E2F5: variants seen among roughly 807,000 people sequenced by gnomAD.
E2F5 encodes the protein E2F transcription factor 5.
E2F5 carries 23 observed loss-of-function variants against 39.1 expected under a neutral mutation model. The ratio of observed to expected loss-of-function variants is 0.59; its 90% CI spans 0.42 to 0.83. E2F5 has a LOEUF of 0.83. E2F5 is among the 40% of genes least tolerant of loss of function. The probability of loss-of-function intolerance (pLI) is 0.00; values close to 1 mark genes in which losing one functional copy is unlikely to be tolerated. For missense variants in E2F5, 365 were observed against 406.7 expected (o/e 0.90, Z 0.88); for synonymous variants, 145 against 157.8 (o/e 0.92, Z 0.61).
At chr8:85,208,330 AAACAACAAC>A (rs1211355118) in intron 5 of E2F5, among the ~76,000 whole-genome samples, 1 of 152,168 alleles carries the variant, frequency 6.6e-6, no homozygotes, top group Non-Finnish European at 1.5e-5. Context: ...CTCTGTATCA[AAACAACAAC>A]AACAACAACA....
intron 1 of E2F5, among the ~76,000 whole-genome samples, chr8:85,184,521 T>C (rs925090358): frequency 6.6e-6 from 1 of 152,128 alleles, no homozygotes; most frequent in Non-Finnish European, 1.5e-5. Flanking sequence ...GCCAGGGCAG[T>C]CAGGCAAGAG....
At chr8:85,186,532 G>GTA (rs1408816860) in intron 1 of E2F5, among the ~76,000 whole-genome samples, 5 of 147,678 alleles carry the variant, frequency 3.4e-5, no homozygotes, top group Non-Finnish European at 4.5e-5. Context: ...TATATGTACG[G>GTA]TATATATATA....
At chr8:85,195,118 C>T (rs1812553649) in intron 1 of E2F5, among the ~76,000 whole-genome samples, 1 of 151,916 alleles carries the variant, frequency 6.6e-6, no homozygotes, top group Admixed American at 6.6e-5. Context: ...GGCACAGTGG[C>T]TTACGTCTGT....
chr8:85,209,805 G>A (rs1191726801), intron 6 of E2F5, among the ~76,000 whole-genome samples: 1 of 152,154 alleles, frequency 6.6e-6, no homozygotes, highest in African/African-American at 2.4e-5. Flanking sequence ...GGATAAATTA[G>A]TGAAATATGT....
At chr8:85,213,511 C>G (rs1309479070) in intron 7 of E2F5, 1 of 206,606 alleles carries the variant, frequency 4.8e-6, no homozygotes, top group Non-Finnish European at 8.7e-6. Context: ...CTACTGCACT[C>G]CAGCCTGGAC....
intron 1 of E2F5, among the ~76,000 whole-genome samples, chr8:85,179,134 C>G (rs1812147575): frequency 6.6e-6 from 1 of 152,102 alleles, no homozygotes; most frequent in African/African-American, 2.4e-5. Context: ...AAGAATTTCA[C>G]AGGAAGTCAT....
chr8:85,212,037 G>A (rs1444734702), intron 6 of E2F5, 120 bp from the exon 7 acceptor site: 1 of 744,402 alleles, frequency 1.3e-6, no homozygotes, highest in Non-Finnish European at 2.3e-6. Context: ...TGTCCACAAA[G>A]TACTAGTACT....
intron 1 of E2F5, among the ~76,000 whole-genome samples, chr8:85,195,790 G>GGCCAAGAGAATTTTC (rs1310703348): frequency 6.6e-6 from 1 of 151,996 alleles, no homozygotes; most frequent in Non-Finnish European, 1.5e-5. Flanking sequence ...CCACTGCATC[G>GGCCAAGAGAATTTTC]GCCAAGAGAA....
intron 1 of E2F5, among the ~76,000 whole-genome samples, chr8:85,200,151 G>A (rs1160864458): frequency 6.6e-6 from 1 of 152,092 alleles, no homozygotes; most frequent in East Asian, 1.9e-4. Flanking sequence ...GGAGGCTGAG[G>A]CAGGAGAATC....
At chr8:85,192,595 A>G (rs1177015993) in intron 1 of E2F5, among the ~76,000 whole-genome samples, 1 of 152,214 alleles carries the variant, frequency 6.6e-6, no homozygotes, top group African/African-American at 2.4e-5. Flanking sequence ...CAGAGGATGC[A>G]ACAGGACTTA....
chr8:85,194,650 T>C (rs1812542283), intron 1 of E2F5, among the ~76,000 whole-genome samples: 1 of 148,976 alleles, frequency 6.7e-6, no homozygotes, highest in South Asian at 2.2e-4. Flanking sequence ...TTCTCCTGCC[T>C]CAGCCTCCCA....
At chr8:85,181,698 G>T (rs1812218088) in intron 1 of E2F5, among the ~76,000 whole-genome samples, 2 of 148,552 alleles carry the variant, frequency 1.3e-5, no homozygotes, top group Admixed American at 6.7e-5. Flanking sequence ...GGTGGCTCAC[G>T]CCTGTAATCC....
intron 1 of E2F5, among the ~76,000 whole-genome samples, chr8:85,200,930 C>G (rs1028609096): frequency 3.9e-5 from 6 of 152,192 alleles, no homozygotes; most frequent in Non-Finnish European, 5.9e-5. Flanking sequence ...CTTCTTCTGC[C>G]ACATCCTGCT....
At position 85,184,207 on chromosome 8, in the gene E2F5, G is replaced by A. The variant is rs541766680; in HGVS notation, c.234+6553G>A. On this transcript the variant is annotated intron_variant, in intron 1 of 7. Coordinates refer to ENST00000416274, the MANE Select transcript of E2F5 (RefSeq NM_001951.4). ...AGTTGGCTTCATGCCTGGGATGCAAGGCTGGTTCAACATACGCAAATCAAT... is the reference window on the plus strand; with the variant it reads ...AGTTGGCTTCATGCCTGGGATGCAAAGCTGGTTCAACATACGCAAATCAAT... 7.9e-5 allele frequency among the ~76,000 whole-genome samples: 12 copies of A among 152,350 alleles called. No individual in the cohort carries two copies. The East Asian group carries it at 1.5e-3, about 20-fold the overall frequency.
chr8:85,200,712 G>A (rs981851068), intron 1 of E2F5, among the ~76,000 whole-genome samples: 3 of 152,186 alleles, frequency 2.0e-5, no homozygotes, highest in Non-Finnish European at 2.9e-5. Context: ...CTTTGCAGTC[G>A]TGTATTGCTC....
intron 1 of E2F5, among the ~76,000 whole-genome samples, chr8:85,198,221 C>T (rs1394093012): frequency 6.6e-6 from 1 of 152,128 alleles, no homozygotes; most frequent in African/African-American, 2.4e-5. Flanking sequence ...TCCTGCCTTC[C>T]CTACTTATTG....
chr8:85,201,715 T>A lies in E2F5; in HGVS notation c.235-432T>A, dbSNP rs543835056. The stretch of plus-strand genomic sequence containing the variant: ...GTTCAGAATTTCCAAGTGTCTTAAT[T>A]ACCAAAATAAATTGCTGAGATGTAA... On this transcript the variant is annotated intron_variant, in intron 1 of 7. Transcript: ENST00000416274. 3.6e-4 allele frequency: 60 copies of A among 167,288 alleles called. No individual in the cohort carries two copies. In the South Asian group the frequency reaches 9.4e-3, roughly 26 times the overall value. The allele number at this position is 167,288 out of a possible 1,614,324, so 10.4% of individuals were successfully genotyped here.
At chr8:85,198,410 C>A (rs1464919902) in intron 1 of E2F5, among the ~76,000 whole-genome samples, 2 of 152,120 alleles carry the variant, frequency 1.3e-5, no homozygotes, top group African/African-American at 4.8e-5. Context: ...CTTCTTACCT[C>A]TTTGCAGCAG....
intron 1 of E2F5, among the ~76,000 whole-genome samples, chr8:85,188,134 T>G (rs1330968662): frequency 6.6e-6 from 1 of 152,208 alleles, no homozygotes; most frequent in Non-Finnish European, 1.5e-5. Context: ...ATATCGTCTA[T>G]TGCTTAAAAA....
Sources: allele counts gnomAD v4.1 joint callset (sites outside exome capture counted in the v4.1 genomes callset), GRCh38; gene constraint gnomAD v4.1.1; transcripts MANE v1.5; gene names NCBI Gene and HGNC (gene_info 2026-07-23, HGNC 2026-07-21).